Variants in MPHOSPH9 observed in about 807,000 individuals in gnomAD.
The protein encoded by MPHOSPH9 is M-phase phosphoprotein 9.
Under a neutral mutation model 145.5 loss-of-function variants are expected in MPHOSPH9, and 88 were observed. The ratio of observed to expected loss-of-function variants is 0.60; its 90% confidence interval spans 0.51 to 0.72. The LOEUF is 0.72. Ranked by LOEUF, MPHOSPH9 falls within the 30% of genes least tolerant of loss-of-function variation. The probability of loss-of-function intolerance (pLI) is 0.00; values close to 1 mark genes in which losing one functional copy is unlikely to be tolerated. For synonymous variants in MPHOSPH9, 435 were observed against 486.2 expected, an observed-to-expected ratio of 0.89 and a Z score of 1.39; for missense variants, 1,238 against 1,386.6, an observed-to-expected ratio of 0.89 and a Z score of 1.70.
rs1348715890 is a variant in MPHOSPH9 at position 123,154,822 on chromosome 12, A to G, written c.*1985T>C. Reference sequence around the variant, plus strand: ...TGAACATTTTCTTTACCAAGACTAGATTTTTTTTTTCTAAAGGCTAGAAAA... The same window carrying G: ...TGAACATTTTCTTTACCAAGACTAGGTTTTTTTTTTCTAAAGGCTAGAAAA... On this transcript the variant is annotated 3_prime_UTR_variant, in exon 24 of 24. Coordinates refer to ENST00000606320, the MANE Select transcript of MPHOSPH9 (RefSeq NM_022782.4). The G allele has an allele frequency of 6.6e-6, 1 of 150,558 alleles. No homozygotes were observed. The highest frequency in any genetic ancestry group is 3.2e-3 in the Middle Eastern group (1 of 314). The allele number at this position is 150,558 out of a possible 1,614,324, so 9.3% of individuals were successfully genotyped here.
At chr12:123,229,074 G>A (rs182522560) in intron 2 of MPHOSPH9, among the ~76,000 whole-genome samples, 2 of 152,202 alleles carry the variant, frequency 1.3e-5, no homozygotes, top group East Asian at 3.9e-4. Context: ...ACCCATGTAA[G>A]CTGCCTTAAA....
In MPHOSPH9 at chr12:123,210,143, T is replaced by C. The variant is rs375024950; in HGVS notation, c.1107A>G (p.Leu369=). ...AAGAGTGGTGCATATCCTTTTCCTC[T>C]AGTTTCCAGTAAGTCAATCCTGATG... ...DSGTGLTYWK[L]EEKDMHHSLP... Residue 369 remains leucine (L), a synonymous_variant, in exon 8 of 24, where the codon CTA becomes CTG. Transcript: ENST00000606320. The C allele has an allele frequency of 5.0e-6, 8 of 1,603,906 alleles. No homozygotes were observed. The highest frequency in any genetic ancestry group is 6.8e-6 in the Non-Finnish European group (8 of 1,174,628).
chr12:123,192,646 A>C (rs953906980), intron 13 of MPHOSPH9, among the ~76,000 whole-genome samples: 4 of 149,882 alleles, frequency 2.7e-5, no homozygotes, highest in African/African-American at 9.8e-5. Flanking sequence ...AAAAAAAAAA[A>C]AAAAAAAAAA....
At chr12:123,237,811 C>T, upstream of MPHOSPH9, among the ~76,000 whole-genome samples, 1 of 152,212 alleles carries the variant, frequency 6.6e-6, no homozygotes, top group East Asian at 1.9e-4. Flanking sequence ...CAGATACCTA[C>T]AGCAGGAGGA....
intron 11 of MPHOSPH9, among the ~76,000 whole-genome samples, chr12:123,201,677 T>C (rs1402274): frequency 0.64 from 97,707 of 152,050 alleles, 35,867 homozygotes; most frequent in East Asian, 1. Flanking sequence ...CCATGCCTGA[T>C]CAAGTCCCGT....
intron 15 of MPHOSPH9, among the ~76,000 whole-genome samples, chr12:123,177,485 G>A (rs986647541): frequency 1.5e-4 from 23 of 152,034 alleles, no homozygotes; most frequent in African/African-American, 3.9e-4. Context: ...GCAGTGAGCC[G>A]TTATCACACC....
chr12:123,215,006 G>A (rs2046898227), intron 6 of MPHOSPH9, among the ~76,000 whole-genome samples, 172 bp from the exon 7 acceptor site: 1 of 152,206 alleles, frequency 6.6e-6, no homozygotes, highest in African/African-American at 2.4e-5. Flanking sequence ...CACTTTGGGA[G>A]GCCGAGGCGG....
At chr12:123,225,251 C>A (rs926610932) in intron 3 of MPHOSPH9, among the ~76,000 whole-genome samples, 1 of 137,964 alleles carries the variant, frequency 7.2e-6, no homozygotes, top group East Asian at 3.6e-4. Context: ...CAAGACTAAC[C>A]TGGGCAACAT....
intron 13 of MPHOSPH9, among the ~76,000 whole-genome samples, chr12:123,184,689 G>A (rs989473511): frequency 5.3e-5 from 8 of 151,872 alleles, no homozygotes; most frequent in African/African-American, 9.7e-5. Context: ...TAGTAGAGAC[G>A]GGGTTTCACC....
rs2043840585 is a variant in MPHOSPH9 at position 123,155,382 on chromosome 12, CCCCT to C, written c.*1421_*1424del. 1 of 152,130 alleles carries C rather than the reference CCCCT, an allele frequency of 6.6e-6. No homozygotes were observed. Among genetic ancestry groups the C allele is most frequent in the Admixed American group, 6.5e-5 (1 of 15,268 alleles). The allele number at this position is 152,130 out of a possible 1,614,324, so 9.4% of individuals were successfully genotyped here. ...GCTGAGAAGGGAGCAGGGCTGTGGA[CCCCT>C]GGCCTGGGGACCAGCCAGGTGAAGG... On this transcript the variant is annotated 3_prime_UTR_variant, in exon 24 of 24. Transcript: ENST00000606320.
At chr12:123,235,627 C>T (rs948930434), upstream of MPHOSPH9, among the ~76,000 whole-genome samples, 10 of 151,544 alleles carry the variant, frequency 6.6e-5, no homozygotes, top group Non-Finnish European at 1.3e-4. Context: ...CTGCCTCGGC[C>T]TCCCACGGTG....
chr12:123,237,796 G>A (rs1160846504), upstream of MPHOSPH9, among the ~76,000 whole-genome samples: 2 of 152,158 alleles, frequency 1.3e-5, no homozygotes, highest in Non-Finnish European at 2.9e-5. Context: ...AGCCCTTAAG[G>A]ATTTCAGATA....
intron 8 of MPHOSPH9, among the ~76,000 whole-genome samples, chr12:123,208,959 G>C (rs747574622): frequency 6.6e-6 from 1 of 152,130 alleles, no homozygotes; most frequent in South Asian, 2.1e-4. Context: ...CTGAGGCGGA[G>C]TCTCGCTCTG....
intron 13 of MPHOSPH9, among the ~76,000 whole-genome samples, chr12:123,187,241 T>C (rs2045484004): frequency 1.3e-5 from 2 of 151,376 alleles, no homozygotes; most frequent in African/African-American, 4.9e-5. Context: ...GCTTGGGCAA[T>C]AAAAGCGAAA....
At chr12:123,200,540 T>C (rs955897312) in intron 11 of MPHOSPH9, among the ~76,000 whole-genome samples, 5 of 152,180 alleles carry the variant, frequency 3.3e-5, no homozygotes, top group Non-Finnish European at 7.3e-5. Context: ...TTTGACTGGC[T>C]ATAATTTATT....
At chr12:123,235,331 G>C (rs2047827709), upstream of MPHOSPH9, among the ~76,000 whole-genome samples, 1 of 152,098 alleles carries the variant, frequency 6.6e-6, no homozygotes, top group African/African-American at 2.4e-5. Context: ...TTGGCAGGAA[G>C]GCCTTTTTGG....
At position 123,202,953 on chromosome 12, in the gene MPHOSPH9, C is replaced by T; in HGVS notation, c.1452G>A (p.Met484Ile). The part of the protein sequence containing the change: ...FSPDSVLEPS[M>I]SSPSDIDSFS... ...ATGAGTCTATGTCAGAGGGACTAGA[C>T]ATACTAGGCTCTAGAACAGAGTCCG... is the stretch of plus-strand genomic sequence containing the variant. Residue 484 changes from methionine to isoleucine, a missense_variant, in exon 10 of 24, where the codon ATG becomes ATA. Physicochemically the swap from Met to Ile is conservative, Grantham distance 10. This residue lies in a region of MPHOSPH9 where 837 missense variants were observed against 897.5 expected (regional missense o/e 0.93). Coordinates refer to ENST00000606320, the MANE Select transcript of MPHOSPH9 (RefSeq NM_022782.4). 1 of 1,614,136 alleles carries T rather than the reference C, an allele frequency of 6.2e-7. No individual in the cohort carries two copies. Among genetic ancestry groups the T allele is most frequent in the Non-Finnish European group, 8.5e-7 (1 of 1,180,022 alleles).
chr12:123,243,263 G>A (rs2047973164), intron 1 of MPHOSPH9, among the ~76,000 whole-genome samples: 1 of 150,386 alleles, frequency 6.6e-6, no homozygotes, highest in Non-Finnish European at 1.5e-5. Context: ...GGGCGCAATG[G>A]CTCACGCCTG....
At chr12:123,198,224 C>T (rs1311303329) in intron 12 of MPHOSPH9, 23 bp downstream of exon 12, 3 of 1,550,654 alleles carry the variant, frequency 1.9e-6, no homozygotes, top group Non-Finnish European at 2.7e-6. Context: ...CACCAGAACA[C>T]CCACCAAAAA....
Sources: gnomAD v4.1 joint callset for allele counts (sites outside exome capture counted in the v4.1 genomes callset) on GRCh38, gnomAD v4.1.1 for gene constraint, gnomAD v4.1.1 regional missense constraint, MANE v1.5 for transcripts, NCBI Gene and HGNC (gene_info 2026-07-23, HGNC 2026-07-21) for gene names.